The following TCF12 variants were observed in gnomAD, a reference collection of about 807,000 sequenced individuals.
TCF12 encodes transcription factor 12, also known as DNA-binding protein HTF4.
TCF12 carries 45 observed loss-of-function variants against 86.0 expected under a neutral mutation model. The ratio of observed to expected loss-of-function variants is 0.52; its 90% CI spans 0.41 to 0.67. The LOEUF is 0.67. Among genes scored for constraint, TCF12 ranks in the 30% least tolerant of loss-of-function variants. TCF12 has a pLI of 0.00. For missense variants in TCF12, 881 were observed against 859.9 expected, an observed-to-expected ratio of 1.02 and a Z score of -0.31; for synonymous variants, 330 against 299.6, an observed-to-expected ratio of 1.10 and a Z score of -1.05.
At chr15:56,994,653 A>G (rs12439149) in intron 3 of TCF12, among the ~76,000 whole-genome samples, 6,137 of 152,166 alleles carry the variant, frequency 0.04, 368 homozygotes, top group Admixed American at 0.17. Context: ...TGGGAGTAAG[A>G]ATAAAGAAGA....
intron 5 of TCF12, among the ~76,000 whole-genome samples, chr15:57,097,053 A>G (rs143517516): frequency 9.9e-5 from 15 of 152,266 alleles, no homozygotes; most frequent in Admixed American, 3.9e-4. Flanking sequence ...TTGTCTGGGA[A>G]TTTAAGCCCA....
At chr15:57,084,706 T>C (rs2048516007) in intron 4 of TCF12, among the ~76,000 whole-genome samples, 1 of 152,114 alleles carries the variant, frequency 6.6e-6, no homozygotes, top group Non-Finnish European at 1.5e-5. Context: ...CTATCTAGTA[T>C]TTCACAAAAG....
chr15:56,918,381 G>T (rs1362501219), upstream of TCF12: 3 of 376,780 alleles, frequency 8.0e-6, no homozygotes, highest in East Asian at 2.5e-4. Context: ...GCTCCCAGGA[G>T]GCCCGGACGA....
chr15:57,102,583 G>A (rs1385436131), intron 5 of TCF12, among the ~76,000 whole-genome samples: 1 of 150,160 alleles, frequency 6.7e-6, no homozygotes, highest in Non-Finnish European at 1.5e-5. Context: ...GGGTAACAGA[G>A]CACGACTCTG....
intron 3 of TCF12, among the ~76,000 whole-genome samples, chr15:57,058,753 A>G (rs978599998): frequency 2.6e-5 from 4 of 152,190 alleles, no homozygotes; most frequent in Non-Finnish European, 5.9e-5. Flanking sequence ...CTTTTTTACT[A>G]ATGTGTAGCA....
intron 3 of TCF12, among the ~76,000 whole-genome samples, chr15:56,986,896 CAA>C (rs1333375192): frequency 6.6e-6 from 1 of 152,136 alleles, no homozygotes; most frequent in Non-Finnish European, 1.5e-5. Context: ...TGGGATGAAA[CAA>C]AAAATCTTCA....
intron 18 of TCF12, among the ~76,000 whole-genome samples, chr15:57,267,837 G>A (rs988756898): frequency 6.6e-6 from 1 of 152,138 alleles, no homozygotes; most frequent in Non-Finnish European, 1.5e-5. Flanking sequence ...CATACTTGCC[G>A]AGTGACTTTG....
At chr15:57,145,045 T>C (rs1460144295) in intron 5 of TCF12, among the ~76,000 whole-genome samples, 1 of 152,216 alleles carries the variant, frequency 6.6e-6, no homozygotes, top group Non-Finnish European at 1.5e-5. Flanking sequence ...ATGTTTATTG[T>C]AGAAAATCAA....
chr15:56,934,647 A>T (rs1198923988), intron 3 of TCF12, among the ~76,000 whole-genome samples: 1 of 152,204 alleles, frequency 6.6e-6, no homozygotes, highest in African/African-American at 2.4e-5. Context: ...TTATATTGGG[A>T]AATATTGGGA....
intron 5 of TCF12, among the ~76,000 whole-genome samples, chr15:57,135,849 A>G (rs1364404877): frequency 1.3e-5 from 2 of 152,144 alleles, no homozygotes; most frequent in Non-Finnish European, 2.9e-5. Flanking sequence ...ACCAAAGGCT[A>G]GTTACCTAGA....
intron 5 of TCF12, among the ~76,000 whole-genome samples, chr15:57,117,569 G>A (rs1192388085): frequency 6.6e-6 from 1 of 152,028 alleles, no homozygotes. Context: ...TTGTTTGTAA[G>A]CATCAGTTTC....
At chr15:57,224,838 C>A (rs534058368) in intron 8 of TCF12, among the ~76,000 whole-genome samples, 2 of 152,298 alleles carry the variant, frequency 1.3e-5, no homozygotes, top group South Asian at 4.1e-4. Context: ...CTTTGTACTT[C>A]AGACGTTTTG....
At chr15:56,991,756 T>C (rs1281814980) in intron 3 of TCF12, among the ~76,000 whole-genome samples, 1 of 152,156 alleles carries the variant, frequency 6.6e-6, no homozygotes, top group Non-Finnish European at 1.5e-5. Flanking sequence ...AATACTCTTC[T>C]GTCAGAACTA....
intron 5 of TCF12, among the ~76,000 whole-genome samples, chr15:57,117,490 A>C (rs2050922917): frequency 6.6e-6 from 1 of 152,248 alleles, no homozygotes. Context: ...ATGAATGAGC[A>C]AAACTTCTTT....
chr15:57,118,268 G>A (rs1048041933), intron 5 of TCF12: 1 of 152,128 alleles, frequency 6.6e-6, no homozygotes, highest in African/African-American at 2.4e-5. Flanking sequence ...AAATTGAAGG[G>A]CAGTGATTCA....
intron 5 of TCF12, among the ~76,000 whole-genome samples, chr15:57,145,267 C>A (rs1368912008): frequency 1.3e-5 from 2 of 152,130 alleles, no homozygotes; most frequent in African/African-American, 4.8e-5. Flanking sequence ...TAATGTGTTA[C>A]AGTACAGAGA....
intron 3 of TCF12, among the ~76,000 whole-genome samples, chr15:57,036,015 G>A (rs990136223): frequency 3.3e-5 from 5 of 152,100 alleles, no homozygotes; most frequent in African/African-American, 4.8e-5. Flanking sequence ...CTGATGATCC[G>A]AAGTGGAACA....
chr15:57,198,166 C>G (rs1288106102), intron 8 of TCF12, among the ~76,000 whole-genome samples: 1 of 152,124 alleles, frequency 6.6e-6, no homozygotes, highest in Non-Finnish European at 1.5e-5. Flanking sequence ...AACAGGAGGA[C>G]AGACAGAGAT....
intron 3 of TCF12, among the ~76,000 whole-genome samples, chr15:57,027,076 A>C (rs1380102587): frequency 6.6e-6 from 1 of 152,154 alleles, no homozygotes; most frequent in East Asian, 1.9e-4. Context: ...GAAACTGAAG[A>C]TACCTAGGGC....
Sources: gnomAD v4.1 joint callset for allele counts (sites outside exome capture counted in the v4.1 genomes callset) on GRCh38, gnomAD v4.1.1 for gene constraint, MANE v1.5 for transcripts, NCBI Gene and HGNC (gene_info 2026-07-23, HGNC 2026-07-21) for gene names.